The following NCOR1 variants were observed in gnomAD, a reference collection of about 807,000 sequenced individuals.
NCOR1 encodes protein phosphatase 1, regulatory subunit 109.
A neutral mutation model predicts 288.1 loss-of-function variants in NCOR1; 63 were observed. The ratio of observed to expected loss-of-function variants is 0.22; its 90% CI spans 0.18 to 0.27. The LOEUF is 0.27. Among genes scored for constraint, NCOR1 ranks in the 10% least tolerant of loss-of-function variants. NCOR1 has a pLI of 1.00. For missense variants in NCOR1, 2,397 were observed against 3,019.2 expected, an observed-to-expected ratio of 0.79 and a Z score of 4.83; for synonymous variants, 1,007 against 1,065.9, an observed-to-expected ratio of 0.94 and a Z score of 1.08.
intron 19 of NCOR1, among the ~76,000 whole-genome samples, chr17:16,103,349 C>T (rs1185334483): frequency 6.6e-6 from 1 of 152,218 alleles, no homozygotes; most frequent in East Asian, 1.9e-4. Context: ...GCACTCTAGT[C>T]CAAAACCAAC....
chr17:16,152,763 CCCA>C (rs1337185047), intron 7 of NCOR1, among the ~76,000 whole-genome samples: 1 of 152,158 alleles, frequency 6.6e-6, no homozygotes, highest in Admixed American at 6.5e-5. Context: ...AGTTTACACT[CCCA>C]CCAACAGTGT....
chr17:16,039,331 T>TAA, intron 44 of NCOR1, 102 bp downstream of exon 44: 2 of 1,149,866 alleles, frequency 1.7e-6, no homozygotes, highest in East Asian at 5.1e-5. Context: ...TCTGAGCACA[T>TAA]AAAGACATAA....
intron 3 of NCOR1, among the ~76,000 whole-genome samples, chr17:16,186,249 T>A (rs1226846527): frequency 6.6e-6 from 1 of 152,174 alleles, no homozygotes; most frequent in African/African-American, 2.4e-5. Context: ...AAGTGTTTTG[T>A]GATGAGGCTT....
At chr17:16,044,752 C>A in intron 42 of NCOR1, 1 of 824,180 alleles carries the variant, frequency 1.2e-6, no homozygotes, top group Admixed American at 1.7e-5. Flanking sequence ...CTTTTTGGTC[C>A]AGCTTGTTTG....
intron 5 of NCOR1, among the ~76,000 whole-genome samples, chr17:16,160,804 T>C (rs1300964352): frequency 1.3e-5 from 2 of 151,620 alleles, no homozygotes; most frequent in Non-Finnish European, 2.9e-5. Flanking sequence ...AAAAACTAAA[T>C]AAATAAGAGT....
At chr17:16,199,482 G>T (rs560851256) in intron 1 of NCOR1, among the ~76,000 whole-genome samples, 15 of 152,276 alleles carry the variant, frequency 9.9e-5, no homozygotes, top group Non-Finnish European at 1.6e-4. Context: ...TTCCGATCTA[G>T]TAAGAATGGG....
chr17:16,095,309 T>A (rs1192379134), intron 21 of NCOR1, among the ~76,000 whole-genome samples: 2 of 136,208 alleles, frequency 1.5e-5, no homozygotes. Flanking sequence ...GTCTGAGAAG[T>A]GAGGAGACCC....
At chr17:16,050,545 C>T (rs1432595366) in intron 40 of NCOR1, among the ~76,000 whole-genome samples, 2 of 152,060 alleles carry the variant, frequency 1.3e-5, no homozygotes, top group Non-Finnish European at 2.9e-5. Flanking sequence ...TTTGACATAG[C>T]GATTATGCAT....
intron 23 of NCOR1, among the ~76,000 whole-genome samples, chr17:16,083,367 AAC>A (rs2063702116): frequency 6.6e-6 from 1 of 152,020 alleles, no homozygotes; most frequent in South Asian, 2.1e-4. Flanking sequence ...AAAAAAAAAA[AAC>A]AAAAACAAAA....
chr17:16,070,710 T>C (rs561008516), intron 30 of NCOR1, among the ~76,000 whole-genome samples, 185 bp from the exon 31 acceptor site: 1 of 152,262 alleles, frequency 6.6e-6, no homozygotes, highest in African/African-American at 2.4e-5. Flanking sequence ...CACTCTATGC[T>C]ATAGACATAA....
At chr17:16,079,668 C>T (rs1199759046) in intron 26 of NCOR1, among the ~76,000 whole-genome samples, 5 of 152,174 alleles carry the variant, frequency 3.3e-5, no homozygotes, top group African/African-American at 1.2e-4. Context: ...AGGCTAAACA[C>T]ATGGTAAAAG....
intron 45 of NCOR1, 93 bp from the exon 46 acceptor site, chr17:16,032,576 T>C: frequency 2.4e-6 from 3 of 1,245,228 alleles, no homozygotes; most frequent in Admixed American, 2.7e-5. Context: ...ATAGGATTAT[T>C]GTAAAATGGT....
intron 10 of NCOR1, 36 bp from the exon 11 acceptor site, chr17:16,143,732 G>C: frequency 3.4e-6 from 5 of 1,453,168 alleles, no homozygotes; most frequent in Non-Finnish European, 4.7e-6. Flanking sequence ...TATATTTAAA[G>C]ACCTTATATA....
chr17:16,107,762 C>G (rs1156601641), intron 19 of NCOR1, among the ~76,000 whole-genome samples: 1 of 152,166 alleles, frequency 6.6e-6, no homozygotes, highest in African/African-American at 2.4e-5. Flanking sequence ...TTACCCTACC[C>G]TCGGGTGGGA....
In NCOR1 at chr17:16,031,031, GA is replaced by G. The variant is rs1971887459; in HGVS notation, c.*1264del. ...ACTTAAATGCTATGATAAATTGTAT[GA>G]AAAAAACTTTAAAATTCAGCAAGCA... On this transcript the variant is annotated 3_prime_UTR_variant, in exon 46 of 46. Coordinates refer to ENST00000268712, the MANE Select transcript of NCOR1 (RefSeq NM_006311.4). 5 of 195,416 alleles carry G rather than the reference GA, an allele frequency of 2.6e-5. No individual in the cohort carries two copies. The Admixed American group carries it at 3.1e-4, about 12-fold the overall frequency. The allele number at this position is 195,416 out of a possible 1,614,324, so 12.1% of individuals were successfully genotyped here.
At chr17:16,191,431 G>T (rs2088259464) in intron 2 of NCOR1, among the ~76,000 whole-genome samples, 1 of 152,000 alleles carries the variant, frequency 6.6e-6, no homozygotes. Context: ...ACAAAGGCCA[G>T]CAGTAAAAAA....
In NCOR1 at chr17:16,030,982, T is replaced by G. The variant is rs192735281; in HGVS notation, c.*1314A>C. ...TACCAGTGGCATTCTCCCAAAACTG[T>G]TAGTATCTATGTTATAGAAAGATAC... On this transcript the variant is annotated 3_prime_UTR_variant, in exon 46 of 46. Coordinates refer to ENST00000268712, the MANE Select transcript of NCOR1 (RefSeq NM_006311.4). 106 of 196,874 alleles carry G rather than the reference T, an allele frequency of 5.4e-4. 1 individual carries two copies. In the East Asian group the frequency reaches 7.5e-3, roughly 14 times the overall value. 12.2% of individuals were successfully genotyped at this position (196,874 alleles called of 1,614,324 possible).
chr17:16,149,463 T>C lies in NCOR1; in HGVS notation c.897A>G (p.Ala299=), dbSNP rs757170221. Residue 299 remains alanine (A), a synonymous_variant, in exon 9 of 46, where the codon GCA becomes GCG. Coordinates refer to ENST00000268712, the MANE Select transcript of NCOR1 (RefSeq NM_006311.4). The part of the protein sequence containing the change: ...LILFFKRRNH[A]RKQREQKICQ... ...GATAGGACCTCACCCTTTGTTTTCTTGCATGATTTCTTCTTTTAAAAAATA... is the reference window on the plus strand; with the variant it reads ...GATAGGACCTCACCCTTTGTTTTCTCGCATGATTTCTTCTTTTAAAAAATA... 1 of 1,563,658 alleles carries C rather than the reference T, an allele frequency of 6.4e-7. No individual in the cohort carries two copies. Among genetic ancestry groups the C allele is most frequent in the Non-Finnish European group, 8.7e-7 (1 of 1,146,712 alleles).
At chr17:16,156,417 C>T (rs1244756688) in intron 6 of NCOR1, among the ~76,000 whole-genome samples, 2 of 128,470 alleles carry the variant, frequency 1.6e-5, no homozygotes, top group African/African-American at 3.0e-5. Flanking sequence ...ACCTCGGGGA[C>T]GAAGCAAAAC....
Sources: gnomAD v4.1 joint callset for allele counts (sites outside exome capture counted in the v4.1 genomes callset) on GRCh38, gnomAD v4.1.1 for gene constraint, MANE v1.5 for transcripts, NCBI Gene and HGNC (gene_info 2026-07-23, HGNC 2026-07-21) for gene names.